SEMA3C: variants seen among roughly 807,000 people sequenced by gnomAD.
SEMA3C encodes the protein semaphorin 3C.
In SEMA3C, 47 loss-of-function variants were observed where a neutral mutation model predicts 89.4. That is an observed-to-expected ratio of 0.53 (90% CI 0.42 to 0.67). SEMA3C has a LOEUF of 0.67. Ranked by LOEUF, SEMA3C falls within the 30% of genes least tolerant of loss-of-function variation. The probability of loss-of-function intolerance (pLI) is 0.00; values close to 1 mark genes in which losing one functional copy is unlikely to be tolerated. For synonymous variants in SEMA3C, 310 were observed against 320.2 expected (o/e 0.97, Z 0.34); for missense variants, 839 against 929.1 (o/e 0.90, Z 1.26).
At chr7:80,834,033 C>T (rs1790070625) in intron 2 of SEMA3C, among the ~76,000 whole-genome samples, 1 of 152,114 alleles carries the variant, frequency 6.6e-6, no homozygotes, top group Admixed American at 6.5e-5. Flanking sequence ...ATGATGTCAT[C>T]CTTTTTGAAG....
chr7:80,895,722 T>A (rs570321236), intron 2 of SEMA3C, among the ~76,000 whole-genome samples: 2 of 152,266 alleles, frequency 1.3e-5, no homozygotes, highest in South Asian at 4.1e-4. Context: ...AGCTTTATAA[T>A]GAGGAGAATG....
intron 2 of SEMA3C, among the ~76,000 whole-genome samples, chr7:80,858,442 G>GA (rs1323337069): frequency 6.6e-6 from 1 of 152,020 alleles, no homozygotes; most frequent in Admixed American, 6.6e-5. Context: ...ATTCCAAACT[G>GA]AAAAAAACTG....
intron 2 of SEMA3C, among the ~76,000 whole-genome samples, chr7:80,914,457 T>C (rs2116251747): frequency 6.6e-6 from 1 of 152,228 alleles, no homozygotes; most frequent in East Asian, 1.9e-4. Context: ...AATTTGTACA[T>C]TTTGACAACT....
chr7:80,897,862 T>C (rs1270785514), intron 2 of SEMA3C, among the ~76,000 whole-genome samples: 1 of 152,206 alleles, frequency 6.6e-6, no homozygotes, highest in Non-Finnish European at 1.5e-5. Flanking sequence ...AAATGGATCC[T>C]AAATACATTG....
chr7:80,787,921 G>GA (rs1188180057), intron 12 of SEMA3C, among the ~76,000 whole-genome samples: 1 of 152,148 alleles, frequency 6.6e-6, no homozygotes, highest in Non-Finnish European at 1.5e-5. Context: ...CGTGGGAAAG[G>GA]ATGCCAACCT....
intron 2 of SEMA3C, among the ~76,000 whole-genome samples, chr7:80,843,173 A>G (rs770129030): frequency 6.6e-5 from 10 of 152,146 alleles, no homozygotes; most frequent in Non-Finnish European, 1.0e-4. Context: ...ACAATGTATT[A>G]CATATTTCAA....
intron 9 of SEMA3C, among the ~76,000 whole-genome samples, chr7:80,802,393 C>T (rs566517669): frequency 8.5e-5 from 13 of 152,168 alleles, no homozygotes; most frequent in Non-Finnish European, 1.8e-4. Flanking sequence ...TACCTATACA[C>T]ACATTATACA....
At chr7:80,787,472 G>A (rs776287895) in intron 12 of SEMA3C, among the ~76,000 whole-genome samples, 2 of 150,790 alleles carry the variant, frequency 1.3e-5, no homozygotes, top group Non-Finnish European at 3.0e-5. Context: ...GCAGGAGGAA[G>A]CCAGCTAAGA....
chr7:80,822,862 G>A (rs1309519349), intron 4 of SEMA3C, among the ~76,000 whole-genome samples: 1 of 152,056 alleles, frequency 6.6e-6, no homozygotes, highest in Non-Finnish European at 1.5e-5. Flanking sequence ...CTCTAAACCC[G>A]GTGAAATGGT....
At chr7:80,909,541 C>CA (rs1792094488) in intron 2 of SEMA3C, among the ~76,000 whole-genome samples, 1 of 152,126 alleles carries the variant, frequency 6.6e-6, no homozygotes, top group Non-Finnish European at 1.5e-5. Context: ...TAAATGCTAG[C>CA]AAGCGTTAAA....
chr7:80,876,830 A>G (rs1230028802), intron 2 of SEMA3C, among the ~76,000 whole-genome samples: 1 of 152,366 alleles, frequency 6.6e-6, no homozygotes, highest in Non-Finnish European at 1.5e-5. Flanking sequence ...ATTCTTAAGC[A>G]GCGTGAAAAC....
At chr7:80,771,483 T>C (rs1298212573) in intron 12 of SEMA3C, among the ~76,000 whole-genome samples, 2 of 152,212 alleles carry the variant, frequency 1.3e-5, no homozygotes, top group African/African-American at 2.4e-5. Context: ...CCTTATTTTA[T>C]ACTATCTAAT....
chr7:80,860,401 G>A (rs183357016), intron 2 of SEMA3C, among the ~76,000 whole-genome samples: 151 of 152,080 alleles, frequency 9.9e-4, no homozygotes, highest in Non-Finnish European at 1.8e-3. Context: ...TCCTTTCACA[G>A]TGCAGCACCA....
At chr7:80,877,153 G>A (rs1056915512) in intron 2 of SEMA3C, among the ~76,000 whole-genome samples, 2 of 152,150 alleles carry the variant, frequency 1.3e-5, no homozygotes, top group African/African-American at 4.8e-5. Context: ...GCAATTAAGA[G>A]TTATCTTGGG....
intron 4 of SEMA3C, among the ~76,000 whole-genome samples, chr7:80,826,931 C>T (rs901473727): frequency 1.3e-5 from 2 of 152,072 alleles, no homozygotes; most frequent in Non-Finnish European, 1.5e-5. Flanking sequence ...TATATTGATA[C>T]TTATATCTGC....
intron 2 of SEMA3C, among the ~76,000 whole-genome samples, chr7:80,837,790 C>T (rs1049547571): frequency 2.0e-5 from 3 of 152,120 alleles, no homozygotes; most frequent in Admixed American, 2.0e-4. Context: ...CTCAGGTTCG[C>T]TGATAAATTT....
intron 12 of SEMA3C, among the ~76,000 whole-genome samples, chr7:80,773,716 C>A (rs1275451997): frequency 6.6e-6 from 1 of 152,058 alleles, no homozygotes; most frequent in East Asian, 1.9e-4. Flanking sequence ...AGAAAGAAAT[C>A]AATTCTGTGG....
At chr7:80,904,539 G>T (rs934818868) in intron 2 of SEMA3C, among the ~76,000 whole-genome samples, 10 of 152,152 alleles carry the variant, frequency 6.6e-5, no homozygotes, top group African/African-American at 2.2e-4. Flanking sequence ...CTACACTGAT[G>T]ATGATTTACC....
At chr7:80,822,916 C>G (rs1368866624) in intron 4 of SEMA3C, among the ~76,000 whole-genome samples, 1 of 152,126 alleles carries the variant, frequency 6.6e-6, no homozygotes, top group African/African-American at 2.4e-5. Flanking sequence ...GTCCTGACCA[C>G]AGTAAAAATC....
Sources: allele counts gnomAD v4.1 joint callset (sites outside exome capture counted in the v4.1 genomes callset), GRCh38; gene constraint gnomAD v4.1.1; transcripts MANE v1.5; gene names NCBI Gene and HGNC (gene_info 2026-07-23, HGNC 2026-07-21).